The following HMCN1 variants were observed in gnomAD, a reference collection of about 807,000 sequenced individuals.
HMCN1 encodes the protein hemicentin-1.
HMCN1 carries 321 observed loss-of-function variants against 625.9 expected under a neutral mutation model. The ratio of observed to expected loss-of-function variants is 0.51; its 90% CI spans 0.47 to 0.56. The LOEUF is 0.56. Among genes scored for constraint, HMCN1 ranks in the 20% least tolerant of loss-of-function variants. The probability of loss-of-function intolerance (pLI) is 0.00; values close to 1 mark genes in which losing one functional copy is unlikely to be tolerated. For synonymous variants in HMCN1, 2,425 were observed against 2,417.6 expected (o/e 1.00, Z -0.09); for missense variants, 6,588 against 6,887.3 (o/e 0.96, Z 1.54).
chr1:186,052,948 C>T lies in HMCN1; in HGVS notation c.6578-4C>T, dbSNP rs756967540. On this transcript the variant is annotated splice_polypyrimidine_tract_variant and splice_region_variant and intron_variant, in intron 42 of 106. Transcript: ENST00000271588. ...GGAAAAATCATATTTTTATTTTTTT[C>T]TAGTCCCCCCAAATATTGGTGGTTC... The T allele has an allele frequency of 5.4e-5, 86 of 1,598,840 alleles. No individual in the cohort carries two copies. The highest frequency in any genetic ancestry group is 7.3e-5 in the Non-Finnish European group (85 of 1,167,234).
chr1:185,821,603 G>A (rs1456688613), intron 1 of HMCN1, among the ~76,000 whole-genome samples: 16 of 151,914 alleles, frequency 1.1e-4, no homozygotes, highest in Admixed American at 1.1e-3. Context: ...TTATACTCAT[G>A]TACTTGTATA....
At chr1:185,983,881 T>G (rs1571662538) in intron 18 of HMCN1, among the ~76,000 whole-genome samples, 1 of 152,150 alleles carries the variant, frequency 6.6e-6, no homozygotes, top group Non-Finnish European at 1.5e-5. Flanking sequence ...GATGACAAAA[T>G]TTACAGGAAC....
intron 60 of HMCN1, 46 bp from the exon 61 acceptor site, chr1:186,087,886 A>C (rs1396618674): frequency 6.6e-7 from 1 of 1,509,810 alleles, no homozygotes; most frequent in Non-Finnish European, 9.2e-7. Context: ...ATGATTGGTC[A>C]TCTATAACTT....
At chr1:186,146,118 C>T (rs1650303612) in intron 93 of HMCN1, among the ~76,000 whole-genome samples, 195 bp downstream of exon 93, 1 of 151,898 alleles carries the variant, frequency 6.6e-6, no homozygotes, top group African/African-American at 2.4e-5. Context: ...TTCTCCCTTC[C>T]AGGCTTCCTG....
intron 4 of HMCN1, among the ~76,000 whole-genome samples, chr1:185,889,426 G>C (rs1420157458): frequency 1.2e-3 from 176 of 146,692 alleles, no homozygotes; most frequent in Middle Eastern, 6.8e-3. Flanking sequence ...TGTCCATTCA[G>C]TATGATACTG....
chr1:186,009,587 T>C (rs1230554080), intron 30 of HMCN1, among the ~76,000 whole-genome samples: 1 of 152,170 alleles, frequency 6.6e-6, no homozygotes, highest in East Asian at 1.9e-4. Context: ...GATTCATTCC[T>C]TTTCCTTACT....
chr1:185,945,742 C>T (rs1668308824), intron 11 of HMCN1, among the ~76,000 whole-genome samples: 1 of 152,044 alleles, frequency 6.6e-6, no homozygotes, highest in Admixed American at 6.6e-5. Flanking sequence ...ACTACATGTG[C>T]AAAGCAACAA....
At chr1:185,812,683 T>A (rs932508519) in intron 1 of HMCN1, among the ~76,000 whole-genome samples, 1 of 152,160 alleles carries the variant, frequency 6.6e-6, no homozygotes, top group African/African-American at 2.4e-5. Flanking sequence ...ACTGAATAAT[T>A]GAGAGAAAGT....
intron 11 of HMCN1, among the ~76,000 whole-genome samples, chr1:185,961,606 A>G (rs1256086853): frequency 1.3e-5 from 2 of 152,224 alleles, no homozygotes; most frequent in Non-Finnish European, 2.9e-5. Context: ...TATCTCTTTG[A>G]TGGTACCTTC....
chr1:186,078,274 G>A (rs1658951408), intron 55 of HMCN1, 54 bp downstream of exon 55: 1 of 1,284,032 alleles, frequency 7.8e-7, no homozygotes, highest in Non-Finnish European at 1.1e-6. Flanking sequence ...TATTTTTGAG[G>A]AACTAATGTT....
intron 1 of HMCN1, among the ~76,000 whole-genome samples, chr1:185,842,490 G>A (rs1305935360): frequency 2.0e-5 from 3 of 151,966 alleles, no homozygotes; most frequent in Non-Finnish European, 4.4e-5. Context: ...TTGAGCATTG[G>A]GAGGTCGAGG....
chr1:185,739,462 C>T (rs1284343253), intron 1 of HMCN1, among the ~76,000 whole-genome samples: 1 of 152,184 alleles, frequency 6.6e-6, no homozygotes. Flanking sequence ...CACTCACTCT[C>T]TTATATCCCC....
In HMCN1 at chr1:186,095,291, T is replaced by C. The variant is rs1660071194; in HGVS notation, c.10343T>C (p.Leu3448Pro). The C allele has an allele frequency of 6.2e-7, 1 of 1,613,800 alleles. No individual in the cohort carries two copies. Among genetic ancestry groups the C allele is most frequent in the Admixed American group, 1.7e-5 (1 of 59,900 alleles). ...ATGGGGACAGAGGAAATCACAGTTC[T>C]CAAAGGTAGTTCCACCTCTATGGCA... The part of the protein sequence containing the change: ...NSMGTEEITV[L>P]KGSSTSMACI... Residue 3448 changes from leucine to proline, a missense_variant, in exon 68 of 107, where the codon CTC (leucine) becomes CCC (proline). By Grantham distance (98) the Leu-to-Pro change is moderately conservative (BLOSUM62 -3). This residue lies in a region of HMCN1 where 4,628 missense variants were observed against 4,853.1 expected (regional missense o/e 0.95). Transcript: ENST00000271588.
rs754134723 is a variant in HMCN1, at chr1:186,123,042, G to T, written c.12321G>T (p.Pro4107=). 1.2e-5 allele frequency: 19 copies of T among 1,613,896 alleles called. No individual in the cohort carries two copies. The highest frequency in any genetic ancestry group is 1.6e-4 in the Middle Eastern group (1 of 6,078). Residue 4107 remains proline (P), a synonymous_variant, in exon 81 of 107, where the codon CCG becomes CCT. Coordinates refer to ENST00000271588, the MANE Select transcript of HMCN1 (RefSeq NM_031935.3). ...TLSCEADGLP[P]PDITWHKDGR... The stretch of plus-strand genomic sequence containing the variant: ...CCTGTGAAGCAGATGGCCTCCCTCC[G>T]CCTGACATTACATGGCATAAAGATG...
At chr1:185,992,591 G>A (rs1437366071) in intron 22 of HMCN1, among the ~76,000 whole-genome samples, 1 of 152,066 alleles carries the variant, frequency 6.6e-6, no homozygotes. Flanking sequence ...AGGTCTTTCT[G>A]GAGGACTCTG....
intron 57 of HMCN1, among the ~76,000 whole-genome samples, chr1:186,084,103 C>T (rs12058256): frequency 0.21 from 31,520 of 151,962 alleles, 3,587 homozygotes; most frequent in Non-Finnish European, 0.26. Context: ...TGTAAATACC[C>T]CAATTGTAGC....
chr1:186,022,468 T>A (rs952303037), intron 35 of HMCN1, among the ~76,000 whole-genome samples: 6 of 152,140 alleles, frequency 3.9e-5, no homozygotes, highest in Non-Finnish European at 7.4e-5. Context: ...GACTGGAAGT[T>A]ACTAGTAACC....
chr1:186,040,416 G>A (rs773976772), intron 39 of HMCN1, among the ~76,000 whole-genome samples: 20 of 152,038 alleles, frequency 1.3e-4, no homozygotes, highest in African/African-American at 3.1e-4. Flanking sequence ...ATAGAAATGC[G>A]TATATACCTA....
chr1:185,883,664 G>T (rs1371319399), intron 4 of HMCN1, among the ~76,000 whole-genome samples: 3 of 151,872 alleles, frequency 2.0e-5, no homozygotes, highest in African/African-American at 7.2e-5. Context: ...TATTGGAATT[G>T]TTTCTAGTGC....
Sources: allele counts gnomAD v4.1 joint callset (sites outside exome capture counted in the v4.1 genomes callset), GRCh38; gene constraint gnomAD v4.1.1; regional missense constraint gnomAD v4.1.1; transcripts MANE v1.5; gene names NCBI Gene and HGNC (gene_info 2026-07-23, HGNC 2026-07-21).